NOL11: variants seen among roughly 807,000 people sequenced by gnomAD.
NOL11 encodes the protein nucleolar protein 11.
NOL11 carries 42 observed loss-of-function variants against 93.0 expected under a neutral mutation model. That is an observed-to-expected ratio of 0.45 (90% CI 0.35 to 0.58). NOL11 has a LOEUF of 0.58. Among genes scored for constraint, NOL11 ranks in the 20% least tolerant of loss-of-function variants. The pLI is 0.00. For missense variants in NOL11, 775 were observed against 841.8 expected (o/e 0.92, Z 0.98); for synonymous variants, 296 against 293.7 (o/e 1.01, Z -0.08).
In NOL11 at chr17:67,737,911, C is replaced by T. The variant is rs1470476125; in HGVS notation, c.1468C>T (p.Leu490=). The T allele has an allele frequency of 6.2e-7, 1 of 1,613,628 alleles. No individual in the cohort carries two copies. The highest frequency in any genetic ancestry group is 1.1e-5 in the South Asian group (1 of 91,034). ...AGATGTACAGTTGTTACAACTCTGT[C>T]TACAGCAGTTCCCTGACATTCCTGA... is the stretch of plus-strand genomic sequence containing the variant. ...KKDVQLLQLC[L]QQFPDIPESV... is the part of the protein sequence containing the mutation. The change falls in exon 13 of 18, where the codon CTA becomes TTA. Residue 490 remains leucine (L), a synonymous_variant. Coordinates refer to ENST00000253247, the MANE Select transcript of NOL11 (RefSeq NM_015462.5).
chr17:67,733,639 T>C (rs1666655401), intron 7 of NOL11, among the ~76,000 whole-genome samples: 1 of 152,202 alleles, frequency 6.6e-6, no homozygotes, highest in South Asian at 2.1e-4. Flanking sequence ...AGATGCCCTT[T>C]ATCATGTTAA....
At chr17:67,742,551 C>T (rs2055266179) in intron 16 of NOL11, among the ~76,000 whole-genome samples, 1 of 152,076 alleles carries the variant, frequency 6.6e-6, no homozygotes. Context: ...TTCTTTATGG[C>T]TTATGTTATG....
At chr17:67,723,916 A>C in intron 5 of NOL11, 133 bp from the exon 6 acceptor site, 1 of 611,328 alleles carries the variant, frequency 1.6e-6, no homozygotes, top group East Asian at 3.0e-5. Flanking sequence ...AAAACAAACA[A>C]ATTTGATAGC....
At chr17:67,730,024 G>A (rs912652635) in intron 7 of NOL11, among the ~76,000 whole-genome samples, 6 of 150,282 alleles carry the variant, frequency 4.0e-5, no homozygotes, top group Middle Eastern at 3.7e-3. Flanking sequence ...ACAGACAAGA[G>A]CCACCACGCC....
At chr17:67,725,923 AT>A (rs1423717545) in intron 6 of NOL11, among the ~76,000 whole-genome samples, 8 of 151,950 alleles carry the variant, frequency 5.3e-5, no homozygotes, top group Non-Finnish European at 7.4e-5. Context: ...CTAAAAGAAA[AT>A]TTTTTTTAAT....
chr17:67,720,079 A>G, intron 3 of NOL11, 117 bp downstream of exon 3: 1 of 935,290 alleles, frequency 1.1e-6, no homozygotes, highest in Admixed American at 3.6e-5. Context: ...TAAGGTCCTA[A>G]TCAGGTTTTC....
At position 67,721,358 on chromosome 17, in the gene NOL11, A is replaced by T; in HGVS notation, c.313-20A>T. 6.7e-7 allele frequency: 1 copy of T among 1,486,096 alleles called. No individual in the cohort carries two copies. The highest frequency in any genetic ancestry group is 9.0e-7 in the Non-Finnish European group (1 of 1,113,244). The allele number at this position is 1,486,096 out of a possible 1,614,324, so 92.1% of individuals were successfully genotyped here. On this transcript the variant is annotated intron_variant, in intron 3 of 17. Coordinates refer to ENST00000253247, the MANE Select transcript of NOL11 (RefSeq NM_015462.5). ...TAAATTGTTTTAGAATAAAAATTAA[A>T]ATTTTTTATGTTCTTCCAGTTGTCA...
rs775722320 is a variant in NOL11 at position 67,743,901 on chromosome 17, T to A, written c.*42T>A. The stretch of plus-strand genomic sequence containing the variant: ...TCATAGACATTTTATAAAGCTCTTT[T>A]ATGTGAACTCTTGCTTCATCCAGGC... On this transcript the variant is annotated 3_prime_UTR_variant, in exon 18 of 18. Coordinates refer to ENST00000253247, the MANE Select transcript of NOL11 (RefSeq NM_015462.5). 4.0e-6 allele frequency: 4 copies of A among 1,008,804 alleles called. No homozygotes were observed. Among genetic ancestry groups the A allele is most frequent in the Admixed American group, 2.5e-5 (1 of 39,716 alleles). 62.5% of individuals were successfully genotyped at this position (1,008,804 alleles called of 1,614,324 possible).
chr17:67,739,232 C>T (rs889469171), intron 15 of NOL11, among the ~76,000 whole-genome samples: 1 of 152,120 alleles, frequency 6.6e-6, no homozygotes, highest in Non-Finnish European at 1.5e-5. Context: ...CCAAGTTAAG[C>T]TTCCTAAGTT....
At chr17:67,718,830 GCCGTTTTGACT>G (rs1232396418) in intron 1 of NOL11, among the ~76,000 whole-genome samples, 1 of 152,202 alleles carries the variant, frequency 6.6e-6, no homozygotes, top group African/African-American at 2.4e-5. Context: ...AGCTCCCTGT[GCCGTTTTGACT>G]CTGCTAACTC....
chr17:67,744,492 T>C lies in NOL11; in HGVS notation c.*633T>C, dbSNP rs1011425620. 6.6e-6 allele frequency: 1 copy of C among 152,248 alleles called. No individual in the cohort carries two copies. The highest frequency in any genetic ancestry group is 2.4e-5 in the African/African-American group (1 of 41,456). 9.4% of individuals were successfully genotyped at this position (152,248 alleles called of 1,614,324 possible). ...TAGGTCAGGCACTGTATGTAAACTT[T>C]AGTCACACATGTGGCCGTTAATAAA... On this transcript the variant is annotated 3_prime_UTR_variant, in exon 18 of 18. Coordinates refer to ENST00000253247, the MANE Select transcript of NOL11 (RefSeq NM_015462.5).
intron 6 of NOL11, 132 bp downstream of exon 6, chr17:67,724,325 G>A: frequency 4.3e-6 from 2 of 467,114 alleles, no homozygotes; most frequent in Non-Finnish European, 7.2e-6. Context: ...CAGCGTTCAT[G>A]CCTTCACTTT....
At chr17:67,723,127 C>T (rs549124789) in intron 5 of NOL11, among the ~76,000 whole-genome samples, 2 of 151,694 alleles carry the variant, frequency 1.3e-5, no homozygotes, top group East Asian at 3.9e-4. Flanking sequence ...ATTCTCCTGC[C>T]TCAGCCTCCC....
chr17:67,724,314 A>G (rs1443011934), intron 6 of NOL11, 121 bp downstream of exon 6: 2 of 543,758 alleles, frequency 3.7e-6, no homozygotes, highest in East Asian at 6.6e-5. Context: ...GTGCTTCTTT[A>G]CAGCGTTCAT....
intron 8 of NOL11, 70 bp from the exon 9 acceptor site, chr17:67,735,826 GTGAT>G: frequency 8.2e-7 from 1 of 1,225,650 alleles, no homozygotes; most frequent in South Asian, 1.5e-5. Flanking sequence ...TATACAGTGA[GTGAT>G]AAGGCTTTAT....
At chr17:67,743,044 C>A (rs2055270042) in intron 16 of NOL11, among the ~76,000 whole-genome samples, 1 of 152,146 alleles carries the variant, frequency 6.6e-6, no homozygotes, top group South Asian at 2.1e-4. Context: ...GAATTCAAGA[C>A]CAGCTTGGCA....
rs1408971259 is a variant in NOL11 at position 67,734,413 on chromosome 17, G to C, written c.904G>C (p.Glu302Gln). 1.9e-6 allele frequency: 3 copies of C among 1,607,342 alleles called. No homozygotes were observed. In the African/African-American group the frequency reaches 4.0e-5, roughly 22 times the overall value. ...ATTTCAAACACTACAGACTTCAAAA[G>C]AGTTACCACAAGGGACCAGTGGTCA... is the stretch of plus-strand genomic sequence containing the variant. ...IKFQTLQTSK[E>Q]LPQGTSGQLW... Residue 302 changes from glutamate (E) to glutamine (Q), a missense_variant, in exon 8 of 18, where the codon GAG becomes CAG. Glu to Gln is a conservative substitution (Grantham distance 29). This residue lies in a region of NOL11 where 416 missense variants were observed against 525.2 expected (regional missense o/e 0.79). Coordinates refer to ENST00000253247, the MANE Select transcript of NOL11 (RefSeq NM_015462.5).
chr17:67,739,599 C>T lies in NOL11; in HGVS notation c.1926C>T (p.Thr642=), dbSNP rs2055236208. 2 of 1,576,450 alleles carry T rather than the reference C, an allele frequency of 1.3e-6. No individual in the cohort carries two copies. Among genetic ancestry groups the T allele is most frequent in the South Asian group, 1.2e-5 (1 of 86,294 alleles). The change falls in exon 16 of 18, where the codon ACC becomes ACT. Residue 642 remains threonine (T), a synonymous_variant. Transcript: ENST00000253247. Reference sequence around the variant, plus strand: ...CTCTTCCTGGAATACACCCACCTACCTTGAACCAGGTGAGATTATTTTTTT... The same window carrying T: ...CTCTTCCTGGAATACACCCACCTACTTTGAACCAGGTGAGATTATTTTTTT... ...TMTLPGIHPP[T]LNQIMDWICL...
Position 67,738,959 on chromosome 17 carries a change from C to T in NOL11, c.1791C>T (p.Ser597=), listed in dbSNP as rs376075029. ...ATGCAATTCTTCATTCAGCATATAG[C>T]GAGACATTTCTTCTGCCTCATTTGA... is the stretch of plus-strand genomic sequence containing the variant. ...LLNAILHSAY[S]ETFLLPHLKD... Residue 597 remains serine (S), a synonymous_variant, in exon 15 of 18, where the codon AGC becomes AGT. Coordinates refer to ENST00000253247, the MANE Select transcript of NOL11 (RefSeq NM_015462.5). The T allele has an allele frequency of 4.3e-5, 69 of 1,611,964 alleles. No individual in the cohort carries two copies. In the African/African-American group the frequency reaches 7.3e-4, roughly 17 times the overall value.
Sources: allele counts gnomAD v4.1 joint callset (sites outside exome capture counted in the v4.1 genomes callset), GRCh38; gene constraint gnomAD v4.1.1; regional missense constraint gnomAD v4.1.1; transcripts MANE v1.5; gene names NCBI Gene and HGNC (gene_info 2026-07-23, HGNC 2026-07-21).